PCDHA2: variants seen among roughly 807,000 people sequenced by gnomAD.
PCDHA2 encodes protocadherin alpha-2.
PCDHA2 carries 58 observed loss-of-function variants against 66.0 expected under a neutral mutation model. That is an observed-to-expected ratio of 0.88 (90% CI 0.71 to 1.09). The LOEUF (loss-of-function observed/expected upper bound fraction) is 1.09. Ranked by LOEUF, PCDHA2 falls within the 50% of genes least tolerant of loss-of-function variation. The probability of loss-of-function intolerance (pLI) is 0.00; values close to 1 mark genes in which losing one functional copy is unlikely to be tolerated. For missense variants in PCDHA2, 1,267 were observed against 1,242.3 expected (o/e 1.02, Z -0.30); for synonymous variants, 634 against 554.0 (o/e 1.14, Z -2.03).
intron 1 of PCDHA2, chr5:140,861,521 G>A: frequency 2.2e-6 from 1 of 460,574 alleles, no homozygotes; most frequent in Admixed American, 2.2e-5. Flanking sequence ...TGTGTGGGAG[G>A]ATCTCGGAGT....
At chr5:140,875,707 C>T in intron 1 of PCDHA2, 1 of 1,614,166 alleles carries the variant, frequency 6.2e-7, no homozygotes. Flanking sequence ...GGAGGTAAAT[C>T]TGCAGAATGG....
chr5:140,856,002 G>A, intron 1 of PCDHA2: 2 of 1,534,758 alleles, frequency 1.3e-6, no homozygotes, highest in African/African-American at 1.4e-5. Context: ...TCGTATGTGC[G>A]TTCTAGACCG....
chr5:141,006,436 A>G (rs2153987648), intron 3 of PCDHA2, among the ~76,000 whole-genome samples: 1 of 152,098 alleles, frequency 6.6e-6, no homozygotes, highest in African/African-American at 2.4e-5. Context: ...GATGGTCTCA[A>G]TCTCCTGACC....
rs782780304 is a variant in PCDHA2, at chr5:140,797,010, G to C, written c.2046G>C (p.Ala682=). Residue 682 remains alanine, a synonymous_variant, in exon 1 of 4, where the codon GCG becomes GCC. Coordinates refer to ENST00000526136, the MANE Select transcript of PCDHA2 (RefSeq NM_018905.3). ...AGGCACCCAAGGCCTCGTCGCGGGC[G>C]TGGGTGGGCGCCGCGGGCTCAGAGG... The part of the protein sequence containing the change: ...SGQAPKASSR[A]WVGAAGSEAT... 2.5e-6 allele frequency: 4 copies of C among 1,613,628 alleles called. No individual in the cohort carries two copies. The highest frequency in any genetic ancestry group is 3.4e-6 in the Non-Finnish European group (4 of 1,179,988).
At chr5:140,894,256 A>G (rs1554186008) in intron 1 of PCDHA2, among the ~76,000 whole-genome samples, 1 of 152,010 alleles carries the variant, frequency 6.6e-6, no homozygotes, top group African/African-American at 2.4e-5. Context: ...TTTTCTTTAC[A>G]AGTGGTAGCT....
chr5:141,003,560 G>T (rs1011065385), intron 3 of PCDHA2, among the ~76,000 whole-genome samples: 1 of 152,062 alleles, frequency 6.6e-6, no homozygotes, highest in Non-Finnish European at 1.5e-5. Context: ...TGATCCACCT[G>T]CCTCAGACTC....
At chr5:140,971,244 A>G (rs1389573593) in intron 1 of PCDHA2, among the ~76,000 whole-genome samples, 6 of 152,174 alleles carry the variant, frequency 3.9e-5, no homozygotes, top group Non-Finnish European at 8.8e-5. Context: ...GGGCAATTTG[A>G]TACATAAACT....
intron 1 of PCDHA2, 40 bp downstream of exon 1, chr5:140,797,392 C>T (rs1198299170): frequency 1.3e-6 from 2 of 1,577,894 alleles, no homozygotes; most frequent in African/African-American, 2.7e-5. Flanking sequence ...TAAAATTGTT[C>T]TTTTTAAAAA....
chr5:141,000,015 G>A (rs960608216), intron 3 of PCDHA2, among the ~76,000 whole-genome samples: 8 of 151,984 alleles, frequency 5.3e-5, no homozygotes, highest in Non-Finnish European at 5.9e-5. Flanking sequence ...CCTCCCCATT[G>A]CTAAGCCTGA....
intron 1 of PCDHA2, among the ~76,000 whole-genome samples, chr5:140,888,214 G>T (rs2061741689): frequency 6.6e-6 from 1 of 152,130 alleles, no homozygotes; most frequent in African/African-American, 2.4e-5. Context: ...TGGATTTTGT[G>T]TGTGTGTGCA....
chr5:140,907,479 G>A (rs782466276), intron 1 of PCDHA2, among the ~76,000 whole-genome samples: 1 of 152,216 alleles, frequency 6.6e-6, no homozygotes, highest in Non-Finnish European at 1.5e-5. Context: ...TGCAGGATAG[G>A]CAAACCCATA....
chr5:140,822,696 G>A (rs2150118685), intron 1 of PCDHA2: 1 of 1,610,120 alleles, frequency 6.2e-7, no homozygotes, highest in Non-Finnish European at 8.5e-7. Flanking sequence ...ACGGGGAACT[G>A]GATTATGAAG....
At chr5:140,827,495 A>G (rs1769309014) in intron 1 of PCDHA2, among the ~76,000 whole-genome samples, 1 of 152,240 alleles carries the variant, frequency 6.6e-6, no homozygotes, top group Admixed American at 6.5e-5. Flanking sequence ...CATGGACTTC[A>G]ATAATCTATA....
At chr5:140,842,107 C>CA (rs1468350486) in intron 1 of PCDHA2, 1 of 1,613,738 alleles carries the variant, frequency 6.2e-7, no homozygotes, top group Non-Finnish European at 8.5e-7. Context: ...CAACAGTTAT[C>CA]AAACTGAATG....
chr5:141,005,701 CAAAAA>C (rs59860837), intron 3 of PCDHA2, among the ~76,000 whole-genome samples: 1 of 7,786 alleles, frequency 1.3e-4, no homozygotes, highest in Non-Finnish European at 2.7e-4. Context: ...AACTCCGTCT[CAAAAA>C]AAAAAAAAAA....
chr5:140,876,976 C>G lies in PCDHA2; in HGVS notation c.2388+79624C>G, dbSNP rs782283591. 6 of 1,612,586 alleles carry G rather than the reference C, an allele frequency of 3.7e-6. No homozygotes were observed. In the Admixed American group the frequency reaches 5.0e-5, roughly 13 times the overall value. ...GCTGGTGGAGCGGCGGGTGGGCGAG[C>G]ACGCACTGTCGAGCTACGTGTCGGT... On this transcript the variant is annotated intron_variant, in intron 1 of 3. Transcript: ENST00000526136.
intron 1 of PCDHA2, chr5:140,823,032 C>T: frequency 1.2e-6 from 2 of 1,614,230 alleles, no homozygotes; most frequent in Non-Finnish European, 1.7e-6. Flanking sequence ...GCGTGTCGGT[C>T]TATGAGCTGG....
intron 1 of PCDHA2, chr5:140,809,655 A>G (rs1554125339): frequency 3.4e-6 from 5 of 1,490,700 alleles, no homozygotes; most frequent in Non-Finnish European, 4.5e-6. Context: ...TAAGAGTCAA[A>G]TTTCCCTGGG....
chr5:140,967,282 G>T, intron 1 of PCDHA2: 1 of 1,613,078 alleles, frequency 6.2e-7, no homozygotes. Flanking sequence ...TAGAGAGTGC[G>T]CAGGACCCCG....
Sources: allele counts gnomAD v4.1 joint callset (sites outside exome capture counted in the v4.1 genomes callset), GRCh38; gene constraint gnomAD v4.1.1; transcripts MANE v1.5; gene names NCBI Gene and HGNC (gene_info 2026-07-23, HGNC 2026-07-21).